SMARCC1: variants seen among roughly 807,000 people sequenced by gnomAD.
SMARCC1 encodes SWI/SNF complex subunit SMARCC1.
Under a neutral mutation model 147.4 loss-of-function variants are expected in SMARCC1, and 43 were observed. The observed-to-expected ratio is 0.29, with a 90% CI of 0.23 to 0.38. The LOEUF (loss-of-function observed/expected upper bound fraction) is 0.38, where lower values mean the gene tolerates loss of function less well. Ranked by LOEUF, SMARCC1 falls within the 10% of genes least tolerant of loss-of-function variation. The pLI is 1.00. For synonymous variants in SMARCC1, 495 were observed against 484.4 expected (o/e 1.02, Z -0.29); for missense variants, 1,119 against 1,381.1 (o/e 0.81, Z 3.01).
intron 1 of SMARCC1, among the ~76,000 whole-genome samples, chr3:47,780,042 A>T (rs551217338): frequency 6.6e-6 from 1 of 152,280 alleles, no homozygotes; most frequent in East Asian, 1.9e-4. Context: ...AAAAGTCCAG[A>T]CACCTAAAAA....
At chr3:47,682,813 TACATAA>T (rs1236493387) in intron 14 of SMARCC1, among the ~76,000 whole-genome samples, 1 of 152,224 alleles carries the variant, frequency 6.6e-6, no homozygotes, top group Non-Finnish European at 1.5e-5. Flanking sequence ...ACATTAAAAG[TACATAA>T]ACATAATTTT....
At chr3:47,609,306 C>T (rs1332957087) in intron 26 of SMARCC1, among the ~76,000 whole-genome samples, 2 of 152,032 alleles carry the variant, frequency 1.3e-5, no homozygotes, top group African/African-American at 2.4e-5. Flanking sequence ...ACCATCCTGG[C>T]GAACACGGTG....
chr3:47,629,025 A>T (rs559929719), intron 24 of SMARCC1, among the ~76,000 whole-genome samples: 84 of 152,348 alleles, frequency 5.5e-4, no homozygotes, highest in Non-Finnish European at 9.8e-4. Context: ...CTGAAAGCCC[A>T]GAGGGCCAAG....
At chr3:47,695,854 G>A (rs1255841538) in intron 11 of SMARCC1, among the ~76,000 whole-genome samples, 1 of 139,572 alleles carries the variant, frequency 7.2e-6, no homozygotes, top group African/African-American at 2.7e-5. Flanking sequence ...ATCACCTGAG[G>A]TCAGGAGTTC....
At chr3:47,648,489 C>T (rs374367827) in intron 21 of SMARCC1, among the ~76,000 whole-genome samples, 2 of 152,066 alleles carry the variant, frequency 1.3e-5, no homozygotes, top group South Asian at 4.1e-4. Flanking sequence ...TGGGCTTAAG[C>T]GATCCTTCCA....
chr3:47,767,336 G>A (rs1326438681), intron 2 of SMARCC1, among the ~76,000 whole-genome samples: 1 of 147,328 alleles, frequency 6.8e-6, no homozygotes, highest in Non-Finnish European at 1.5e-5. Context: ...CACCTCCCGG[G>A]TTCAAGTGAT....
At chr3:47,658,853 C>T (rs1163932875) in intron 21 of SMARCC1, among the ~76,000 whole-genome samples, 1 of 152,152 alleles carries the variant, frequency 6.6e-6, no homozygotes, top group Non-Finnish European at 1.5e-5. Context: ...GGCACGGTGG[C>T]TTACACCTGT....
At position 47,587,636 on chromosome 3, in the gene SMARCC1, A is replaced by T. The variant is rs1162056013; in HGVS notation, c.*573T>A. 1 of 152,708 alleles carries T rather than the reference A, an allele frequency of 6.5e-6. No homozygotes were observed. The highest frequency in any genetic ancestry group is 3.2e-3 in the Middle Eastern group (1 of 316). The allele number at this position is 152,708 out of a possible 1,614,324, so 9.5% of individuals were successfully genotyped here. On this transcript the variant is annotated 3_prime_UTR_variant, in exon 28 of 28. Transcript: ENST00000254480. ...TTTTCACAAATTTGTGTGTGGCAAA[A>T]GTCTCAAACTTTACCATCAGCACCA... is the stretch of plus-strand genomic sequence containing the variant.
chr3:47,655,003 T>C (rs970870662), intron 21 of SMARCC1, among the ~76,000 whole-genome samples: 2 of 152,196 alleles, frequency 1.3e-5, no homozygotes, highest in African/African-American at 4.8e-5. Context: ...TGTTTCCATA[T>C]AAGCAAAATG....
At chr3:47,729,836 G>A (rs1273352644) in intron 5 of SMARCC1, among the ~76,000 whole-genome samples, 11 of 152,268 alleles carry the variant, frequency 7.2e-5, no homozygotes, top group African/African-American at 1.7e-4. Context: ...TCAGACCACC[G>A]TAATAAAGCA....
chr3:47,768,533 G>A (rs375359457), intron 2 of SMARCC1, among the ~76,000 whole-genome samples: 37 of 152,088 alleles, frequency 2.4e-4, no homozygotes, highest in South Asian at 1.0e-3. Context: ...AATTTCAATC[G>A]TATTATGTAA....
intron 7 of SMARCC1, among the ~76,000 whole-genome samples, chr3:47,716,787 G>GT (rs2034161377): frequency 6.6e-6 from 1 of 152,182 alleles, no homozygotes; most frequent in African/African-American, 2.4e-5. Flanking sequence ...CCTTTAGACT[G>GT]GGAGTGCTTT....
At chr3:47,716,972 T>C (rs1177140230) in intron 7 of SMARCC1, among the ~76,000 whole-genome samples, 1 of 152,184 alleles carries the variant, frequency 6.6e-6, no homozygotes, top group African/African-American at 2.4e-5. Flanking sequence ...GGGGAAGTTA[T>C]TCACTTAAAT....
intron 2 of SMARCC1, among the ~76,000 whole-genome samples, chr3:47,754,768 C>G (rs1306406170): frequency 6.6e-6 from 1 of 152,158 alleles, no homozygotes; most frequent in Admixed American, 6.5e-5. Context: ...CTAGGCTAGG[C>G]ACAGTGCCCC....
Position 47,680,521 on chromosome 3 carries a change from A to C in SMARCC1, c.1386-13T>G. 6.5e-7 allele frequency: 1 copy of C among 1,536,216 alleles called. No homozygotes were observed. The highest frequency in any genetic ancestry group is 2.3e-5 in the East Asian group (1 of 44,316). ...AATCACATGAATACTGAAAAGAAGAAGAAAAAAAGATTTAGGAGTGTTCTT... is the reference window on the plus strand; with the variant it reads ...AATCACATGAATACTGAAAAGAAGACGAAAAAAAGATTTAGGAGTGTTCTT... On this transcript the variant is annotated splice_polypyrimidine_tract_variant and intron_variant, in intron 14 of 27. Transcript: ENST00000254480.
chr3:47,735,101 G>A (rs983408335), intron 5 of SMARCC1, among the ~76,000 whole-genome samples: 1 of 151,914 alleles, frequency 6.6e-6, no homozygotes, highest in Non-Finnish European at 1.5e-5. Context: ...TACATAAAAT[G>A]GGGGGTTAGG....
At chr3:47,734,724 A>G (rs1474315743) in intron 5 of SMARCC1, among the ~76,000 whole-genome samples, 3 of 152,338 alleles carry the variant, frequency 2.0e-5, no homozygotes, top group Non-Finnish European at 2.9e-5. Context: ...ATGTCAGAAC[A>G]CAGTACTAGT....
chr3:47,686,039 G>A lies in SMARCC1; in HGVS notation c.1385+10C>T, dbSNP rs887053544. On this transcript the variant is annotated intron_variant, in intron 14 of 27. Transcript: ENST00000254480. ...AGTACCATGCTCACAGATGGAAGTG[G>A]TCCACTCACCAGTTATAATCAAACC... is the stretch of plus-strand genomic sequence containing the variant. 1 of 1,612,180 alleles carries A rather than the reference G, an allele frequency of 6.2e-7. No homozygotes were observed. Among genetic ancestry groups the A allele is most frequent in the Non-Finnish European group, 8.5e-7 (1 of 1,178,618 alleles).
At chr3:47,594,136 G>C (rs1401049010) in intron 26 of SMARCC1, among the ~76,000 whole-genome samples, 1 of 149,450 alleles carries the variant, frequency 6.7e-6, no homozygotes, top group Non-Finnish European at 1.5e-5. Flanking sequence ...TTACACCCTA[G>C]CCTGGGCAAC....
Sources: gnomAD v4.1 joint callset for allele counts (sites outside exome capture counted in the v4.1 genomes callset) on GRCh38, gnomAD v4.1.1 for gene constraint, MANE v1.5 for transcripts, NCBI Gene and HGNC (gene_info 2026-07-23, HGNC 2026-07-21) for gene names.